CEP104: variants seen among roughly 807,000 people sequenced by gnomAD.
CEP104 encodes centrosomal protein 104.
A neutral mutation model predicts 113.3 loss-of-function variants in CEP104; 84 were observed. The observed-to-expected ratio is 0.74, with a 90% CI of 0.62 to 0.89. CEP104 has a LOEUF of 0.89. CEP104 is among the 40% of genes least tolerant of loss of function. CEP104 has a pLI of 0.00. For missense variants in CEP104, 1,053 were observed against 1,156.6 expected, an observed-to-expected ratio of 0.91 and a Z score of 1.30; for synonymous variants, 378 against 421.7, an observed-to-expected ratio of 0.90 and a Z score of 1.27.
At chr1:3,843,251 G>A (rs1411130428) in intron 6 of CEP104, 10 of 711,604 alleles carry the variant, frequency 1.4e-5, no homozygotes, top group Non-Finnish European at 2.6e-5. Flanking sequence ...CCAGGACAGA[G>A]AGGGTGACCG....
rs764252937 is a variant in CEP104 at position 3,815,364 on chromosome 1, T to G, written c.*38A>C. The G allele has an allele frequency of 2.3e-5, 33 of 1,451,886 alleles. No homozygotes were observed. Among genetic ancestry groups the G allele is most frequent in the South Asian group, 1.1e-4 (9 of 84,294 alleles). The allele number at this position is 1,451,886 out of a possible 1,614,324, so 89.9% of individuals were successfully genotyped here. ...GATGGTGTAGAATCAGGAGACCCGC[T>G]CCATCCCTCACAGAGACCAAGGAGC... On this transcript the variant is annotated 3_prime_UTR_variant, in exon 22 of 22. Transcript: ENST00000378230.
intron 9 of CEP104, 73 bp from the exon 10 acceptor site, chr1:3,836,765 G>GGAGAATGT: frequency 7.2e-7 from 1 of 1,395,470 alleles, no homozygotes; most frequent in Non-Finnish European, 1.0e-6. Flanking sequence ...AACTCTCACT[G>GGAGAATGT]GCAGGCTTAC....
chr1:3,856,134 C>T (rs1267316896), intron 1 of CEP104, among the ~76,000 whole-genome samples: 1 of 152,218 alleles, frequency 6.6e-6, no homozygotes. Flanking sequence ...TGTGACTGCG[C>T]GCGGTGGCTC....
At chr1:3,849,114 C>T (rs4648423) in intron 2 of CEP104, among the ~76,000 whole-genome samples, 105,656 of 151,838 alleles carry the variant, frequency 0.7, 37,060 homozygotes, top group African/African-American at 0.75. Context: ...GTGGGCAGGA[C>T]GGAGCCAAAG....
Position 3,844,967 on chromosome 1 carries a change from A to T in CEP104, c.506T>A (p.Leu169Ter). 1 of 1,614,172 alleles carries T rather than the reference A, an allele frequency of 6.2e-7. No homozygotes were observed. The highest frequency in any genetic ancestry group is 2.2e-5 in the East Asian group (1 of 44,882). ...DESNTASREK[L>*]IDHYLGHNSE... is the part of the protein sequence containing the mutation. ...GTTGTGCCCAAGGTAGTGGTCAATC[A>T]ACTTCTCTCGAGAGGCCTTTGGGGG... Residue 169 changes from leucine (L) to a stop codon, truncating the protein, a stop_gained, in exon 6 of 22, where the codon TTG becomes TAG. Transcript: ENST00000378230. LOFTEE classifies it high-confidence loss of function.
intron 6 of CEP104, among the ~76,000 whole-genome samples, chr1:3,840,298 G>C (rs1301339399): frequency 6.6e-6 from 1 of 151,910 alleles, no homozygotes; most frequent in Non-Finnish European, 1.5e-5. Flanking sequence ...GTGCAATGGC[G>C]CAATCTCGGC....
chr1:3,832,753 C>T (rs148413324), intron 12 of CEP104, among the ~76,000 whole-genome samples: 1,878 of 152,286 alleles, frequency 0.012, 13 homozygotes, highest in Middle Eastern at 0.037. Flanking sequence ...GGCGAGATCA[C>T]GGCTCACTGC....
At chr1:3,844,223 A>G (rs1049679867) in intron 6 of CEP104, among the ~76,000 whole-genome samples, 2 of 152,208 alleles carry the variant, frequency 1.3e-5, no homozygotes, top group African/African-American at 4.8e-5. Context: ...ATATCAAAGG[A>G]CGGCTGACAG....
intron 4 of CEP104, 53 bp downstream of exon 4, chr1:3,847,422 A>G: frequency 6.7e-7 from 1 of 1,490,042 alleles, no homozygotes; most frequent in South Asian, 1.3e-5. Context: ...TGACCACATA[A>G]TCCCACAAAG....
chr1:3,846,491 T>C (rs1335929767), intron 4 of CEP104, among the ~76,000 whole-genome samples: 2 of 152,188 alleles, frequency 1.3e-5, no homozygotes, highest in African/African-American at 2.4e-5. Context: ...ACATATATTA[T>C]CATTCATGAC....
At position 3,848,825 on chromosome 1, in the gene CEP104, G is replaced by A. The variant is rs764558579; in HGVS notation, c.114-44C>T. 7 of 1,539,228 alleles carry A rather than the reference G, an allele frequency of 4.5e-6. No homozygotes were observed. The South Asian group carries it at 6.9e-5, about 15-fold the overall frequency. ...TTATATTTTCTGAACAACTTCTGCA[G>A]AGGGTTTCTAGATGCTAGCATCTCA... On this transcript the variant is annotated intron_variant, in intron 2 of 21. Transcript: ENST00000378230.
intron 21 of CEP104, 81 bp from the exon 22 acceptor site, chr1:3,815,598 C>T (rs1643868654): frequency 1.0e-6 from 1 of 984,898 alleles, no homozygotes; most frequent in Non-Finnish European, 1.5e-6. Flanking sequence ...CCACAGACAC[C>T]CAGCAACAAC....
intron 17 of CEP104, 52 bp downstream of exon 17, chr1:3,826,318 G>T: frequency 6.6e-7 from 1 of 1,507,968 alleles, no homozygotes; most frequent in Non-Finnish European, 9.2e-7. Context: ...GGGTTTCTGT[G>T]TGGCTGGTTG....
In CEP104 at chr1:3,823,503, C is replaced by G; in HGVS notation, c.2424G>C (p.Gly808=). 6.2e-7 allele frequency: 1 copy of G among 1,614,234 alleles called. No individual in the cohort carries two copies. The highest frequency in any genetic ancestry group is 8.5e-7 in the Non-Finnish European group (1 of 1,180,042). The change falls in exon 19 of 22, where the codon GGG becomes GGC. Residue 808 remains glycine (G), a synonymous_variant. Transcript: ENST00000378230. This position sits in a 1 kb window ranked among gnomAD's most constrained non-coding sequence, Gnocchi z 4.1. Reference sequence around the variant, plus strand: ...CACTGCAACGGTAACACTTTCCAAACCCGTCTTTTTTGTCACATTCCGTCA... The same window carrying G: ...CACTGCAACGGTAACACTTTCCAAAGCCGTCTTTTTTGTCACATTCCGTCA... ...HLLTECDKKD[G]FGKCYRCSEA...
chr1:3,845,207 ACAT>A (rs1358927283), intron 5 of CEP104, 79 bp downstream of exon 5: 2 of 1,021,334 alleles, frequency 2.0e-6, no homozygotes. Flanking sequence ...TAAAAATGAC[ACAT>A]TTTTTGGGTG....
intron 18 of CEP104, among the ~76,000 whole-genome samples, 198 bp downstream of exon 18, chr1:3,825,560 C>T (rs1377733198): frequency 1.3e-5 from 2 of 152,202 alleles, no homozygotes; most frequent in Admixed American, 6.5e-5. Context: ...GGCGGCACAG[C>T]ATGTTTCCGG....
At chr1:3,856,031 A>C in intron 1 of CEP104, 1 of 779,826 alleles carries the variant, frequency 1.3e-6, no homozygotes, top group Middle Eastern at 6.3e-4. Flanking sequence ...TTAACTATAA[A>C]TTAAACGGAA....
intron 20 of CEP104, 175 bp downstream of exon 20, chr1:3,822,999 G>A (rs1340388744): frequency 3.1e-5 from 20 of 646,800 alleles, no homozygotes; most frequent in South Asian, 7.7e-5. Context: ...ATGTGAACAC[G>A]TAGGTAAACG....
intron 2 of CEP104, among the ~76,000 whole-genome samples, chr1:3,851,457 T>C (rs1305083542): frequency 6.6e-6 from 1 of 152,144 alleles, no homozygotes; most frequent in African/African-American, 2.4e-5. Context: ...TAGTAACTTC[T>C]CAGGCTTGAA....
Sources: gnomAD v4.1 joint callset for allele counts (sites outside exome capture counted in the v4.1 genomes callset) on GRCh38, gnomAD v4.1.1 for gene constraint, Gnocchi (gnomAD v3.1) non-coding constraint, MANE v1.5 for transcripts, NCBI Gene and HGNC (gene_info 2026-07-23, HGNC 2026-07-21) for gene names.